LRTM1: variants seen among roughly 807,000 people sequenced by gnomAD.
LRTM1 encodes leucine-rich repeat and transmembrane domain-containing protein 1.
LRTM1 carries 38 observed loss-of-function variants against 32.4 expected under a neutral mutation model. The ratio of observed to expected loss-of-function variants is 1.17; its 90% confidence interval spans 0.91 to 1.54. LRTM1 has a LOEUF of 1.54. Among genes scored for constraint, LRTM1 ranks in the 40% most tolerant of loss-of-function variants. LRTM1 has a pLI of 0.00. For synonymous variants in LRTM1, 186 were observed against 169.9 expected, an observed-to-expected ratio of 1.09 and a Z score of -0.74; for missense variants, 466 against 415.4, an observed-to-expected ratio of 1.12 and a Z score of -1.06.
At chr3:54,944,250 A>G (rs114512436) in intron 1 of LRTM1, among the ~76,000 whole-genome samples, 2,173 of 152,138 alleles carry the variant, frequency 0.014, 52 homozygotes, top group African/African-American at 0.049. Flanking sequence ...TTAGAAATGC[A>G]TATCCTTCAG....
chr3:54,922,537 A>G (rs919256590), intron 2 of LRTM1, among the ~76,000 whole-genome samples: 1 of 152,140 alleles, frequency 6.6e-6, no homozygotes, highest in Non-Finnish European at 1.5e-5. Flanking sequence ...GATATTGATT[A>G]TGTAATTTAC....
At chr3:54,930,627 A>C (rs887022152), upstream of LRTM1, among the ~76,000 whole-genome samples, 5 of 152,196 alleles carry the variant, frequency 3.3e-5, no homozygotes, top group Admixed American at 3.3e-4. Context: ...CTAAATGAAG[A>C]AGCACACTTT....
At chr3:54,926,191 CAAAT>C (rs999377689) in intron 1 of LRTM1, among the ~76,000 whole-genome samples, 4 of 152,116 alleles carry the variant, frequency 2.6e-5, no homozygotes, top group African/African-American at 9.7e-5. Flanking sequence ...ACAAAAATCT[CAAAT>C]AAACATATAG....
intron 1 of LRTM1, among the ~76,000 whole-genome samples, chr3:54,957,675 CAG>C (rs770236071): frequency 6.9e-6 from 1 of 145,430 alleles, no homozygotes; most frequent in Non-Finnish European, 1.5e-5. Context: ...TTGGCAAACT[CAG>C]GGGTTCCAGG....
At chr3:54,938,940 T>C (rs762681121) in intron 1 of LRTM1, among the ~76,000 whole-genome samples, 2 of 152,140 alleles carry the variant, frequency 1.3e-5, no homozygotes, top group Non-Finnish European at 2.9e-5. Flanking sequence ...TGCATTGGCC[T>C]GCAGAAATGA....
At position 54,957,722 on chromosome 3, in the gene LRTM1, C is replaced by T. The variant is rs144862182; in HGVS notation, c.-222+9206G>A. ...GTCAGGAGGGTTAGAAACAAGATCA[C>T]ACCTCTCCATCCCTGGTGCCCATTG... On this transcript the variant is annotated intron_variant, in intron 1 of 2. Coordinates refer to the LRTM1 transcript ENST00000493075. Among the ~76,000 whole-genome samples the T allele has an allele frequency of 1.7e-3, 261 of 152,148 alleles. 4 individuals carry two copies. Among genetic ancestry groups the T allele is most frequent in the African/African-American group, 5.9e-3 (246 of 41,520 alleles).
chr3:54,965,561 A>T (rs1179697203), intron 1 of LRTM1, among the ~76,000 whole-genome samples: 2 of 152,164 alleles, frequency 1.3e-5, no homozygotes, highest in Non-Finnish European at 2.9e-5. Flanking sequence ...CCTCAACTGG[A>T]CGTGGAGGGA....
chr3:54,929,655 T>TA (rs1352785837), upstream of LRTM1, among the ~76,000 whole-genome samples: 1 of 152,118 alleles, frequency 6.6e-6, no homozygotes, highest in Non-Finnish European at 1.5e-5. Context: ...GCATCACACA[T>TA]ACAATGGGCA....
At chr3:54,920,690 A>G (rs1700819100) in intron 2 of LRTM1, among the ~76,000 whole-genome samples, 1 of 152,170 alleles carries the variant, frequency 6.6e-6, no homozygotes, top group South Asian at 2.1e-4. Flanking sequence ...ACAGAAATGA[A>G]GTGATGGGGC....
At position 54,924,626 on chromosome 3, in the gene LRTM1, G is replaced by C. The variant is rs757183859; in HGVS notation, c.597C>G (p.Val199=). The C allele has an allele frequency of 1.2e-5, 19 of 1,613,042 alleles. No homozygotes were observed. Among genetic ancestry groups the C allele is most frequent in the Admixed American group, 8.3e-5 (5 of 59,984 alleles). The change falls in exon 2 of 3, where the codon GTC becomes GTG. Residue 199 remains valine, a synonymous_variant. Coordinates refer to ENST00000273286, the MANE Select transcript of LRTM1 (RefSeq NM_020678.4). ...LGLKLWLEKF[V]YKGGLTDGII... is the part of the protein sequence containing the mutation. ...CAAATAGACATGACTGACCTTTATA[G>C]ACAAATTTCTCCAGCCAGAGTTTAA... is the stretch of plus-strand genomic sequence containing the variant.
chr3:54,928,208 A>G (rs758469210), upstream of LRTM1: 1 of 432,520 alleles, frequency 2.3e-6, no homozygotes, highest in Non-Finnish European at 4.1e-6. Context: ...TGCCTTTCCC[A>G]TTCAGACGAT....
At chr3:54,930,283 C>G (rs1701151662), upstream of LRTM1, among the ~76,000 whole-genome samples, 1 of 152,158 alleles carries the variant, frequency 6.6e-6, no homozygotes, top group African/African-American at 2.4e-5. Context: ...TATCCACTCT[C>G]CTGTTGCCTC....
In LRTM1 at chr3:54,918,401, C is replaced by G. The variant is rs957959089; in HGVS notation, c.*58G>C. On this transcript the variant is annotated 3_prime_UTR_variant, in exon 3 of 3. Transcript: ENST00000273286. ...TCAGACTAACAGGAAACACATCAGCCCTACTCAGACACTATCTTCTGGCCT... is the reference window on the plus strand; with the variant it reads ...TCAGACTAACAGGAAACACATCAGCGCTACTCAGACACTATCTTCTGGCCT... 24 of 1,444,698 alleles carry G rather than the reference C, an allele frequency of 1.7e-5. No homozygotes were observed. Among genetic ancestry groups the G allele is most frequent in the Non-Finnish European group, 2.3e-5 (24 of 1,049,540 alleles). 89.5% of individuals were successfully genotyped at this position (1,444,698 alleles called of 1,614,324 possible).
chr3:54,963,459 G>C (rs970090754), intron 1 of LRTM1, among the ~76,000 whole-genome samples: 5 of 152,150 alleles, frequency 3.3e-5, no homozygotes, highest in African/African-American at 1.2e-4. Flanking sequence ...TGTGGCTACG[G>C]AGCACTTGAC....
At chr3:54,946,017 A>C (rs781274830) in intron 1 of LRTM1, among the ~76,000 whole-genome samples, 5 of 152,164 alleles carry the variant, frequency 3.3e-5, no homozygotes, top group Non-Finnish European at 5.9e-5. Flanking sequence ...CAGCAGGAAA[A>C]CGAGTACCCT....
intron 1 of LRTM1, among the ~76,000 whole-genome samples, chr3:54,961,513 A>G (rs1273259306): frequency 1.3e-5 from 2 of 152,214 alleles, no homozygotes; most frequent in Non-Finnish European, 2.9e-5. Flanking sequence ...ATTAGGAGAA[A>G]ATCTTCTGTT....
In LRTM1 at chr3:54,924,913, T is replaced by A. The variant is rs747842510; in HGVS notation, c.310A>T (p.Asn104Tyr). 2 of 1,613,308 alleles carry A rather than the reference T, an allele frequency of 1.2e-6. No individual in the cohort carries two copies. The highest frequency in any genetic ancestry group is 1.7e-4 in the Middle Eastern group (1 of 6,060). The change falls in exon 2 of 3, where the codon AAT becomes TAT. Residue 104 changes from asparagine (N) to tyrosine (Y), a missense_variant. Transcript: ENST00000273286. ...FHGLQHLQVL[N>Y]LTQNSLLSLE... is the part of the protein sequence containing the mutation. ...GAAAGGAGTGAATTCTGGGTTAGAT[T>A]TAAAACCTGCAAGTGCTGAAGCCCA...
At chr3:54,927,612 C>T (rs1425806855) in intron 1 of LRTM1, among the ~76,000 whole-genome samples, 2 of 152,062 alleles carry the variant, frequency 1.3e-5, no homozygotes, top group African/African-American at 2.4e-5. Context: ...TCCACTTTTC[C>T]CCCCAAAGGA....
chr3:54,920,772 C>T (rs1406001496), intron 2 of LRTM1, among the ~76,000 whole-genome samples: 2 of 152,182 alleles, frequency 1.3e-5, no homozygotes, highest in African/African-American at 4.8e-5. Context: ...GCAAGACCAC[C>T]TGCCAGGGGG....
Sources: gnomAD v4.1 joint callset for allele counts (sites outside exome capture counted in the v4.1 genomes callset) on GRCh38, gnomAD v4.1.1 for gene constraint, MANE v1.5 for transcripts, NCBI Gene and HGNC (gene_info 2026-07-23, HGNC 2026-07-21) for gene names.